Variants in THADA observed in about 807,000 individuals in gnomAD.
THADA encodes tRNA (32-2'-O)-methyltransferase regulator THADA.
A neutral mutation model predicts 219.8 loss-of-function variants in THADA; 213 were observed. The observed-to-expected ratio is 0.97, with a 90% CI of 0.87 to 1.09. The LOEUF (loss-of-function observed/expected upper bound fraction) is 1.09. THADA is among the 50% of genes least tolerant of loss of function. THADA has a pLI of 0.00. For missense variants in THADA, 2,956 were observed against 2,311.3 expected, an observed-to-expected ratio of 1.28 and a Z score of -5.72; for synonymous variants, 1,018 against 828.9, an observed-to-expected ratio of 1.23 and a Z score of -3.92.
chr2:43,274,684 G>C (rs1389883519), intron 36 of THADA, among the ~76,000 whole-genome samples: 1 of 152,148 alleles, frequency 6.6e-6, no homozygotes, highest in African/African-American at 2.4e-5. Context: ...ATATTTGGAA[G>C]GATGAGCAGA....
chr2:43,429,387 G>A (rs1678942291), intron 27 of THADA, among the ~76,000 whole-genome samples: 1 of 152,110 alleles, frequency 6.6e-6, no homozygotes. Flanking sequence ...GATTACAGGT[G>A]TGAGCCACCA....
intron 25 of THADA, among the ~76,000 whole-genome samples, chr2:43,496,374 T>A (rs1199492470): frequency 6.6e-6 from 1 of 152,226 alleles, no homozygotes; most frequent in African/African-American, 2.4e-5. Context: ...AAGTTTTGAA[T>A]CAAAATGCTT....
chr2:43,586,546 T>C, intron 6 of THADA, 97 bp from the exon 7 acceptor site: 2 of 1,348,464 alleles, frequency 1.5e-6, no homozygotes, highest in Non-Finnish European at 2.0e-6. Flanking sequence ...CAAAATGATA[T>C]CATGATATGG....
chr2:43,485,312 G>T lies in THADA; in HGVS notation c.3758C>A (p.Ser1253Tyr), dbSNP rs992431859. Reference protein sequence around the residue: ...TSPVWAVRNSSTLLFSALITR... With the variant: ...TSPVWAVRNSYTLLFSALITR... ...GATCAAGGCACTAAAGAGAAGTGTG[G>T]ATGAATTTCGCACCTAATGTACAAA... is the stretch of plus-strand genomic sequence containing the variant. The change falls in exon 26 of 38, where the codon TCC becomes TAC. Residue 1253 changes from serine to tyrosine, a missense_variant. By Grantham distance (144) the Ser-to-Tyr change is moderately radical (BLOSUM62 -2). Transcript: ENST00000405975. 11 of 1,612,472 alleles carry T rather than the reference G, an allele frequency of 6.8e-6. No homozygotes were observed. Among genetic ancestry groups the T allele is most frequent in the Non-Finnish European group, 6.8e-6 (8 of 1,179,172 alleles).
intron 28 of THADA, among the ~76,000 whole-genome samples, chr2:43,406,630 T>C (rs1342945681): frequency 1.3e-5 from 2 of 152,310 alleles, no homozygotes; most frequent in East Asian, 3.9e-4. Flanking sequence ...GCAAAGTACA[T>C]ACAAAGACAT....
At chr2:43,297,999 T>G (rs1177538316) in intron 31 of THADA, among the ~76,000 whole-genome samples, 6 of 61,100 alleles carry the variant, frequency 9.8e-5, no homozygotes, top group South Asian at 5.9e-4. Context: ...GGAGGGAGTG[T>G]GGGGGGGGTC....
At chr2:43,308,912 A>T (rs1297679837) in intron 31 of THADA, among the ~76,000 whole-genome samples, 4 of 152,174 alleles carry the variant, frequency 2.6e-5, no homozygotes, top group African/African-American at 9.7e-5. Context: ...ACCTTGGAAT[A>T]GGCAAGGATT....
chr2:43,428,552 C>G (rs956872864), intron 27 of THADA, among the ~76,000 whole-genome samples: 1 of 152,188 alleles, frequency 6.6e-6, no homozygotes, highest in African/African-American at 2.4e-5. Context: ...TTGCAGTGAG[C>G]CAAGATCACG....
At chr2:43,419,800 T>C (rs1209350107) in intron 28 of THADA, among the ~76,000 whole-genome samples, 1 of 145,840 alleles carries the variant, frequency 6.9e-6, no homozygotes, top group Non-Finnish European at 1.5e-5. Flanking sequence ...TACTTTAAAA[T>C]GTTAAGTATT....
At chr2:43,582,472 G>C (rs905608478) in intron 7 of THADA, among the ~76,000 whole-genome samples, 5 of 149,004 alleles carry the variant, frequency 3.4e-5, no homozygotes, top group African/African-American at 1.2e-4. Context: ...ACTCCAGCCT[G>C]GGTGAGAGAG....
chr2:43,429,140 TTC>T (rs1678895897), intron 27 of THADA, among the ~76,000 whole-genome samples: 1 of 152,076 alleles, frequency 6.6e-6, no homozygotes, highest in Non-Finnish European at 1.5e-5. Context: ...CGGAGTATTT[TTC>T]TGTCACCCAA....
intron 24 of THADA, among the ~76,000 whole-genome samples, chr2:43,503,590 A>G (rs1025553657): frequency 3.3e-5 from 5 of 152,194 alleles, no homozygotes; most frequent in African/African-American, 9.6e-5. Flanking sequence ...CGGTCTCTGT[A>G]ATGTTTAATT....
chr2:43,232,488 T>A (rs1020787729), intron 37 of THADA, among the ~76,000 whole-genome samples: 6 of 152,206 alleles, frequency 3.9e-5, no homozygotes, highest in African/African-American at 1.4e-4. Context: ...AGGGGCTTCT[T>A]TCCGAGTTCT....
intron 31 of THADA, among the ~76,000 whole-genome samples, chr2:43,296,975 G>C (rs6740048): frequency 0.028 from 3,684 of 133,268 alleles, 182 homozygotes; most frequent in African/African-American, 0.11. Flanking sequence ...TCTGGGAAGT[G>C]AGGAGTGTCT....
intron 15 of THADA, among the ~76,000 whole-genome samples, chr2:43,561,238 G>A (rs1049405397): frequency 6.6e-5 from 10 of 152,106 alleles, no homozygotes; most frequent in Non-Finnish European, 1.5e-4. Flanking sequence ...AAAGATAATG[G>A]AGCAATGCTT....
At chr2:43,417,302 C>A (rs1030072579) in intron 28 of THADA, among the ~76,000 whole-genome samples, 3 of 151,998 alleles carry the variant, frequency 2.0e-5, no homozygotes, top group Admixed American at 6.6e-5. Context: ...TAGCAGCCCA[C>A]AAATAATCTC....
intron 31 of THADA, among the ~76,000 whole-genome samples, chr2:43,298,632 C>T (rs1404962091): frequency 6.6e-6 from 1 of 151,298 alleles, no homozygotes; most frequent in South Asian, 2.1e-4. Context: ...TAATTAACAA[C>T]AGGAAGAACT....
intron 36 of THADA, among the ~76,000 whole-genome samples, chr2:43,245,631 T>A (rs1406426223): frequency 6.6e-6 from 1 of 152,028 alleles, no homozygotes; most frequent in Non-Finnish European, 1.5e-5. Context: ...GGGCTTCAGG[T>A]GGGAGAGAGG....
intron 31 of THADA, among the ~76,000 whole-genome samples, chr2:43,308,804 T>C (rs1677171226): frequency 7.4e-6 from 1 of 134,476 alleles, no homozygotes; most frequent in South Asian, 2.5e-4. Context: ...CCATATCTCA[T>C]GATACACATG....
Sources: allele counts gnomAD v4.1 joint callset (sites outside exome capture counted in the v4.1 genomes callset), GRCh38; gene constraint gnomAD v4.1.1; transcripts MANE v1.5; gene names NCBI Gene and HGNC (gene_info 2026-07-23, HGNC 2026-07-21).